Variants in PLA2G10 observed in about 807,000 individuals in gnomAD.
The protein encoded by PLA2G10 is phospholipase A2 group X, also known as group 10 secretory phospholipase A2.
PLA2G10 carries 9 observed loss-of-function variants against 7.9 expected under a neutral mutation model. The ratio of observed to expected loss-of-function variants is 1.14; its 90% CI spans 0.68 to 1.98. The LOEUF (loss-of-function observed/expected upper bound fraction) is 1.98, where lower values mean the gene tolerates loss of function less well. Ranked by LOEUF, PLA2G10 falls within the 30% of genes most tolerant of loss-of-function variation. The probability of loss-of-function intolerance (pLI) is 0.00; values close to 1 mark genes in which losing one functional copy is unlikely to be tolerated. For synonymous variants in PLA2G10, 19 were observed against 27.5 expected (o/e 0.69, Z 0.97); for missense variants, 53 against 65.4 (o/e 0.81, Z 0.66).
At chr16:14,673,808 C>T (rs1960654780) in intron 3 of PLA2G10, among the ~76,000 whole-genome samples, 2 of 152,142 alleles carry the variant, frequency 1.3e-5, no homozygotes, top group East Asian at 3.8e-4. Context: ...TGAAAGCATT[C>T]ATTCCCCCAA....
chr16:14,682,431 TG>T (rs1960918457), intron 3 of PLA2G10, among the ~76,000 whole-genome samples: 1 of 151,882 alleles, frequency 6.6e-6, no homozygotes, highest in Non-Finnish European at 1.5e-5. Flanking sequence ...AAAAATTAGC[TG>T]GGCATGGTGG....
intron 3 of PLA2G10, among the ~76,000 whole-genome samples, chr16:14,676,355 A>G (rs1216849608): frequency 6.6e-6 from 1 of 152,196 alleles, no homozygotes; most frequent in Non-Finnish European, 1.5e-5. Flanking sequence ...TATAGAACCA[A>G]CCTAAGTGCC....
chr16:14,678,763 G>A, intron 3 of PLA2G10: 1 of 378,802 alleles, frequency 2.6e-6, no homozygotes, highest in Non-Finnish European at 5.2e-6. Flanking sequence ...GAGCAAGACT[G>A]TCTCAAAAAA....
chr16:14,673,015 TC>T (rs1960632212), intron 3 of PLA2G10, among the ~76,000 whole-genome samples: 1 of 150,202 alleles, frequency 6.7e-6, no homozygotes, highest in African/African-American at 2.4e-5. Flanking sequence ...TTTTTTCTTT[TC>T]TTTTTTTTTT....
In PLA2G10 at chr16:14,673,534, T is replaced by C. The variant is rs1007392014; in HGVS notation, c.356-785A>G. Among the ~76,000 whole-genome samples, 6 of 151,976 alleles carry C rather than the reference T, an allele frequency of 3.9e-5. No homozygotes were observed. The East Asian group carries it at 1.2e-3, about 30-fold the overall frequency. On this transcript the variant is annotated intron_variant, in intron 3 of 3. Coordinates refer to ENST00000438167, the MANE Select transcript of PLA2G10 (RefSeq NM_003561.3). ...CTACAGGCCCACCACCATGCCCAGC[T>C]AATTTTTGTATTTTTAGTAGAGATG...
chr16:14,684,588 C>G (rs1023580889), intron 3 of PLA2G10, among the ~76,000 whole-genome samples: 1 of 151,876 alleles, frequency 6.6e-6, no homozygotes, highest in Non-Finnish European at 1.5e-5. Context: ...ATCGCTAAAA[C>G]CTGGGAGGCA....
intron 3 of PLA2G10, among the ~76,000 whole-genome samples, chr16:14,683,093 C>A (rs1338036253): frequency 3.9e-5 from 6 of 151,960 alleles, no homozygotes; most frequent in Non-Finnish European, 7.4e-5. Context: ...ATCTGTTTCT[C>A]ATCTTACAAA....
chr16:14,679,529 A>T (rs758018288), intron 3 of PLA2G10, among the ~76,000 whole-genome samples: 2 of 151,958 alleles, frequency 1.3e-5, no homozygotes, highest in East Asian at 1.9e-4. Flanking sequence ...GTGTGGTGGC[A>T]CATGCCTGTA....
At chr16:14,687,284 C>CAT (rs1961108629) in intron 3 of PLA2G10, among the ~76,000 whole-genome samples, 1 of 151,128 alleles carries the variant, frequency 6.6e-6, no homozygotes, top group East Asian at 1.9e-4. Context: ...TTTTTAATTG[C>CAT]AGGGTTTTTT....
intron 3 of PLA2G10, among the ~76,000 whole-genome samples, chr16:14,681,091 G>A (rs1214986378): frequency 2.0e-5 from 3 of 151,996 alleles, no homozygotes; most frequent in Non-Finnish European, 1.5e-5. Flanking sequence ...TTGAACCGGG[G>A]AGGTGGAGGT....
At chr16:14,679,608 C>T (rs1437104281) in intron 3 of PLA2G10, among the ~76,000 whole-genome samples, 3 of 148,676 alleles carry the variant, frequency 2.0e-5, no homozygotes, top group Non-Finnish European at 3.0e-5. Flanking sequence ...TGCAGTGAGC[C>T]GAGATCATGC....
At chr16:14,676,412 G>T (rs1385935173) in intron 3 of PLA2G10, among the ~76,000 whole-genome samples, 1 of 152,216 alleles carries the variant, frequency 6.6e-6, no homozygotes, top group Non-Finnish European at 1.5e-5. Flanking sequence ...TGGGTGCAGT[G>T]GCTCACGCCT....
chr16:14,679,318 G>A (rs1050065865), intron 3 of PLA2G10, among the ~76,000 whole-genome samples: 7 of 152,012 alleles, frequency 4.6e-5, no homozygotes, highest in African/African-American at 1.7e-4. Flanking sequence ...AGGATTGCTT[G>A]AGGTCAGGAG....
intron 3 of PLA2G10, among the ~76,000 whole-genome samples, chr16:14,683,702 TTAAA>T (rs1373916278): frequency 6.6e-6 from 1 of 152,130 alleles, no homozygotes; most frequent in Non-Finnish European, 1.5e-5. Context: ...AATATTAGAG[TTAAA>T]TATGATAAAC....
At chr16:14,685,033 T>A (rs1009643468) in intron 3 of PLA2G10, among the ~76,000 whole-genome samples, 3 of 152,156 alleles carry the variant, frequency 2.0e-5, no homozygotes, top group Non-Finnish European at 2.9e-5. Context: ...GCAGTGGATA[T>A]TATTCAGCCA....
At chr16:14,683,043 T>C (rs1960935935) in intron 3 of PLA2G10, among the ~76,000 whole-genome samples, 1 of 151,828 alleles carries the variant, frequency 6.6e-6, no homozygotes, top group Non-Finnish European at 1.5e-5. Context: ...CACTTCAGCC[T>C]GGGCGACAGA....
chr16:14,687,014 A>T (rs2151855475), intron 3 of PLA2G10, among the ~76,000 whole-genome samples: 1 of 152,022 alleles, frequency 6.6e-6, no homozygotes, highest in South Asian at 2.1e-4. Context: ...AGGCTGAGGC[A>T]GGAGAATCAC....
intron 3 of PLA2G10, among the ~76,000 whole-genome samples, chr16:14,687,946 C>A (rs1961140777): frequency 6.6e-6 from 1 of 151,626 alleles, no homozygotes. Flanking sequence ...TTGTAGTGAG[C>A]CAAGATCACA....
At chr16:14,674,516 C>A (rs933061111) in intron 3 of PLA2G10, among the ~76,000 whole-genome samples, 2 of 152,096 alleles carry the variant, frequency 1.3e-5, no homozygotes, top group African/African-American at 2.4e-5. Context: ...GCCTGGCCAA[C>A]ATGGTAAAAC....
Sources: gnomAD v4.1 joint callset for allele counts (sites outside exome capture counted in the v4.1 genomes callset) on GRCh38, gnomAD v4.1.1 for gene constraint, MANE v1.5 for transcripts, NCBI Gene and HGNC (gene_info 2026-07-23, HGNC 2026-07-21) for gene names.